Variants in GRAP2 observed in about 807,000 individuals in gnomAD.
The protein encoded by GRAP2 is GRB2-related adapter protein 2.
GRAP2 carries 31 observed loss-of-function variants against 43.5 expected under a neutral mutation model. The observed-to-expected ratio is 0.71, with a 90% confidence interval of 0.54 to 0.96. GRAP2 has a LOEUF of 0.96. GRAP2 is among the 40% of genes least tolerant of loss of function. GRAP2 has a pLI of 0.00. For missense variants in GRAP2, 371 were observed against 424.4 expected (o/e 0.87, Z 1.11); for synonymous variants, 156 against 164.8 (o/e 0.95, Z 0.41).
chr22:39,952,035 T>C (rs1234428300), intron 2 of GRAP2, among the ~76,000 whole-genome samples: 1 of 151,296 alleles, frequency 6.6e-6, no homozygotes, highest in Non-Finnish European at 1.5e-5. Context: ...TTTTTTTTTT[T>C]TTTCTTTTTG....
chr22:39,914,521 C>A (rs775016246), intron 1 of GRAP2, among the ~76,000 whole-genome samples: 15 of 152,288 alleles, frequency 9.8e-5, no homozygotes, highest in Non-Finnish European at 1.9e-4. Context: ...AAGTTCTTTT[C>A]CATGGAAAGG....
At chr22:39,927,091 CT>C (rs1489083827) in intron 1 of GRAP2, among the ~76,000 whole-genome samples, 1 of 152,178 alleles carries the variant, frequency 6.6e-6, no homozygotes, top group African/African-American at 2.4e-5. Context: ...CCCTCTTCTT[CT>C]CTTTTTTTCA....
chr22:39,951,382 G>A (rs1569209519), intron 2 of GRAP2, among the ~76,000 whole-genome samples: 2 of 152,090 alleles, frequency 1.3e-5, no homozygotes, highest in East Asian at 3.8e-4. Context: ...CAGCTAATGC[G>A]ACCTCATTTC....
At chr22:39,918,718 T>C (rs1267884600) in intron 1 of GRAP2, among the ~76,000 whole-genome samples, 1 of 152,140 alleles carries the variant, frequency 6.6e-6, no homozygotes, top group African/African-American at 2.4e-5. Context: ...GTAATTATAT[T>C]TTAAGGGCAG....
rs370483056 is a variant in GRAP2 at position 39,947,114 on chromosome 22, C to T, written c.8C>T (p.Ala3Val). 6.3e-7 allele frequency: 1 copy of T among 1,595,088 alleles called. No individual in the cohort carries two copies. The highest frequency in any genetic ancestry group is 8.6e-7 in the Non-Finnish European group (1 of 1,162,622). The change falls in exon 2 of 8, where the codon GCT becomes GTT. Residue 3 changes from alanine (A) to valine (V), a missense_variant. Transcript: ENST00000344138. ...CCAGCTTCACGTTACAGCATGGAAG[C>T]TGTTGCCAAGTTTGATTTCACTGCT... is the stretch of plus-strand genomic sequence containing the variant. Reference protein sequence around the residue: MEAVAKFDFTASG... With the variant: MEVVAKFDFTASG...
chr22:39,897,332 G>A (rs1430349382), upstream of GRAP2, among the ~76,000 whole-genome samples: 3 of 151,994 alleles, frequency 2.0e-5, no homozygotes, highest in Non-Finnish European at 4.4e-5. Flanking sequence ...ATACAAGGTG[G>A]CTACCCAGTC....
chr22:39,935,328 C>T (rs2145613794), intron 1 of GRAP2, among the ~76,000 whole-genome samples: 1 of 152,284 alleles, frequency 6.6e-6, no homozygotes, highest in South Asian at 2.1e-4. Context: ...TCCCCGATGC[C>T]CATTGTCTAT....
At chr22:39,961,113 TA>T (rs2067115590) in intron 4 of GRAP2, among the ~76,000 whole-genome samples, 2 of 152,120 alleles carry the variant, frequency 1.3e-5, no homozygotes, top group Admixed American at 6.5e-5. Flanking sequence ...ACCTGGCTAA[TA>T]TTTTTTTAAC....
At position 39,911,366 on chromosome 22, in the gene GRAP2, A is replaced by G. The variant is rs142277154; in HGVS notation, c.-15+10036A>G. 4.6e-3 allele frequency among the ~76,000 whole-genome samples: 688 copies of G among 150,792 alleles called. 2 individuals carry two copies. Among genetic ancestry groups the G allele is most frequent in the South Asian group, 8.9e-3 (42 of 4,736 alleles). On this transcript the variant is annotated intron_variant, in intron 1 of 7. Coordinates refer to ENST00000344138, the MANE Select transcript of GRAP2 (RefSeq NM_004810.4). ...ATATCTGCAAGACTCATTTAAAATG[A>G]CTCTCTTCCCTCCATCACCTCCCCC... is the stretch of plus-strand genomic sequence containing the variant.
chr22:39,897,093 A>T (rs936283740), upstream of GRAP2, among the ~76,000 whole-genome samples: 2 of 151,804 alleles, frequency 1.3e-5, no homozygotes, highest in African/African-American at 4.8e-5. Context: ...GATTCTGACA[A>T]CTCTCAAGGT....
intron 1 of GRAP2, among the ~76,000 whole-genome samples, chr22:39,924,368 T>A (rs775746058): frequency 5.3e-5 from 8 of 152,160 alleles, no homozygotes; most frequent in Non-Finnish European, 1.0e-4. Flanking sequence ...ATCACCACGG[T>A]CGTACTTTCC....
chr22:39,948,955 T>C lies in GRAP2; in HGVS notation c.78+1771T>C, dbSNP rs577267604. Among the ~76,000 whole-genome samples, 4 of 152,274 alleles carry C rather than the reference T, an allele frequency of 2.6e-5. No individual in the cohort carries two copies. The East Asian group carries it at 5.8e-4, about 22-fold the overall frequency. On this transcript the variant is annotated intron_variant, in intron 2 of 7. Transcript: ENST00000344138. ...CTGCCTTTGGCTTTCTGATTTTTCT[T>C]CTCACTCTGAGCCACCTCATCCACT...
At chr22:39,959,804 G>A (rs547580335) in intron 3 of GRAP2, among the ~76,000 whole-genome samples, 3 of 152,178 alleles carry the variant, frequency 2.0e-5, no homozygotes, top group Non-Finnish European at 4.4e-5. Context: ...TCCATGATTC[G>A]TTTCCCAGGC....
rs1601720148 is a variant in GRAP2, at chr22:39,945,210, T to C, written c.-14-1883T>C. On this transcript the variant is annotated intron_variant, in intron 1 of 7. Coordinates refer to ENST00000344138, the MANE Select transcript of GRAP2 (RefSeq NM_004810.4). ...AGAAAGTGTACAAAAAGTATATTTG[T>C]GATGGTGTTGTTTGGGAGTACGTTT... is the stretch of plus-strand genomic sequence containing the variant. Among the ~76,000 whole-genome samples the C allele has an allele frequency of 2.6e-5, 4 of 152,330 alleles. No homozygotes were observed. In the South Asian group the frequency reaches 8.3e-4, roughly 32 times the overall value.
intron 1 of GRAP2, among the ~76,000 whole-genome samples, chr22:39,942,191 G>A (rs1271560989): frequency 6.6e-6 from 1 of 152,050 alleles, no homozygotes; most frequent in Non-Finnish European, 1.5e-5. Context: ...GTACAGTGAG[G>A]CTTAACTGTA....
Position 39,973,251 on chromosome 22 carries a change from A to T in GRAP2, c.*2167A>T, listed in dbSNP as rs2145691560. 6.6e-6 allele frequency: 1 copy of T among 152,352 alleles called. No individual in the cohort carries two copies. The highest frequency in any genetic ancestry group is 1.9e-4 in the East Asian group (1 of 5,182). 9.4% of individuals were successfully genotyped at this position (152,352 alleles called of 1,614,324 possible). A position where few individuals can be genotyped will look rare whatever the true frequency, so the allele number is the denominator to read the frequency against. ...ATGTGGGAGGACCAGCTCTAGTTAG[A>T]CGGAGGTATGTGATTCGATTCTGGT... On this transcript the variant is annotated 3_prime_UTR_variant, in exon 8 of 8. Coordinates refer to ENST00000344138, the MANE Select transcript of GRAP2 (RefSeq NM_004810.4).
chr22:39,966,140 C>G lies in GRAP2; in HGVS notation c.441C>G (p.Asp147Glu). The G allele has an allele frequency of 6.2e-7, 1 of 1,614,058 alleles. No individual in the cohort carries two copies. Among genetic ancestry groups the G allele is most frequent in the South Asian group, 1.1e-5 (1 of 91,086 alleles). The change falls in exon 5 of 8, where the codon GAC becomes GAG. Residue 147 changes from aspartate (D) to glutamate (E), a missense_variant. Asp to Glu is a conservative substitution (Grantham distance 45). Transcript: ENST00000344138. ...ISRQKQIFLRDRTREDQGHRG... is the reference protein window; with the variant it reads ...ISRQKQIFLRERTREDQGHRG... The stretch of plus-strand genomic sequence containing the variant: ...GACAGAAGCAGATCTTCCTTAGAGA[C>G]AGAACCCGAGAAGACCAGGTATGCT...
At chr22:39,916,955 C>G (rs1363372441) in intron 1 of GRAP2, among the ~76,000 whole-genome samples, 1 of 151,250 alleles carries the variant, frequency 6.6e-6, no homozygotes. Flanking sequence ...TTATTATTAT[C>G]TTTTAATTAA....
Position 39,966,032 on chromosome 22 carries a change from C to A in GRAP2, c.333C>A (p.Asn111Lys). Residue 111 changes from asparagine (N) to lysine (K), a missense_variant, in exon 5 of 8, where the codon AAC becomes AAA. Asn to Lys is a moderately conservative substitution (Grantham distance 94). Transcript: ENST00000344138. ...DVQHFKVMRD[N>K]KGNYFLWTEK... The stretch of plus-strand genomic sequence containing the variant: ...AACACTTCAAGGTCATGCGAGACAA[C>A]AAGGGTAATTACTTTCTGTGGACTG... 6.2e-7 allele frequency: 1 copy of A among 1,613,978 alleles called. No homozygotes were observed. The highest frequency in any genetic ancestry group is 1.1e-5 in the South Asian group (1 of 91,080).
Sources: gnomAD v4.1 joint callset for allele counts (sites outside exome capture counted in the v4.1 genomes callset) on GRCh38, gnomAD v4.1.1 for gene constraint, MANE v1.5 for transcripts, NCBI Gene and HGNC (gene_info 2026-07-23, HGNC 2026-07-21) for gene names.